The following MYO18A variants were observed in gnomAD, a reference collection of about 807,000 sequenced individuals.
The protein encoded by MYO18A is unconventional myosin-XVIIIa.
Under a neutral mutation model 235.8 loss-of-function variants are expected in MYO18A, and 78 were observed. The observed-to-expected ratio is 0.33, with a 90% CI of 0.28 to 0.40. The LOEUF (loss-of-function observed/expected upper bound fraction) is 0.40, where lower values mean the gene tolerates loss of function less well. Ranked by LOEUF, MYO18A falls within the 10% of genes least tolerant of loss-of-function variation. The pLI is 1.00. For synonymous variants in MYO18A, 977 were observed against 1,077.8 expected (o/e 0.91, Z 1.83); for missense variants, 2,215 against 2,699.3 (o/e 0.82, Z 3.98).
intron 2 of MYO18A, among the ~76,000 whole-genome samples, chr17:29,129,285 A>T (rs1447306447): frequency 6.6e-6 from 1 of 152,182 alleles, no homozygotes; most frequent in Non-Finnish European, 1.5e-5. Context: ...GCTTTCTGCC[A>T]GTCTCCTTGC....
At position 29,098,910 on chromosome 17, in the gene MYO18A, C is replaced by T; in HGVS notation, c.3696G>A (p.Lys1232=). 1 of 1,613,930 alleles carries T rather than the reference C, an allele frequency of 6.2e-7. No individual in the cohort carries two copies. Among genetic ancestry groups the T allele is most frequent in the Non-Finnish European group, 8.5e-7 (1 of 1,179,866 alleles). Reference sequence around the variant, plus strand: ...TAAAAAGCTTCCACCAGGGCCAGTCCTTCACCCCTTTGTTCTTCTTGATGT... The same window carrying T: ...TAAAAAGCTTCCACCAGGGCCAGTCTTTCACCCCTTTGTTCTTCTTGATGT... ...QKNIKKNKGV[K]DWPWWKLFTT... The change falls in exon 23 of 42, where the codon AAG becomes AAA. Residue 1232 remains lysine (K), a synonymous_variant. Coordinates refer to ENST00000527372, the MANE Select transcript of MYO18A (RefSeq NM_078471.4).
intron 2 of MYO18A, among the ~76,000 whole-genome samples, chr17:29,128,699 G>C (rs1385767910): frequency 1.3e-5 from 2 of 152,232 alleles, no homozygotes; most frequent in Non-Finnish European, 2.9e-5. Flanking sequence ...ACCCCAGGAA[G>C]CCCACTTTCC....
intron 2 of MYO18A, chr17:29,127,841 C>T (rs1056682930): frequency 8.1e-6 from 8 of 986,324 alleles, no homozygotes; most frequent in Middle Eastern, 1.0e-3. Flanking sequence ...GTTAGTGACA[C>T]ACTCTTGTAC....
intron 1 of MYO18A, among the ~76,000 whole-genome samples, chr17:29,167,718 T>C (rs2068314043): frequency 6.6e-6 from 1 of 151,094 alleles, no homozygotes; most frequent in African/African-American, 2.4e-5. Context: ...AAAAAAAGAT[T>C]CAAACTCAAA....
At chr17:29,107,374 G>T (rs908638498) in intron 19 of MYO18A, 185 bp from the exon 20 acceptor site, 26 of 608,268 alleles carry the variant, frequency 4.3e-5, no homozygotes, top group Non-Finnish European at 7.3e-5. Flanking sequence ...GGAAGAGAAG[G>T]TCAGGAGGAC....
chr17:29,148,835 C>T (rs923405215), intron 2 of MYO18A, among the ~76,000 whole-genome samples: 1 of 152,304 alleles, frequency 6.6e-6, no homozygotes, highest in Admixed American at 6.5e-5. Context: ...ATGCCCAGGG[C>T]CACCCCAGCC....
At chr17:29,171,402 T>C (rs1009162455) in intron 1 of MYO18A, among the ~76,000 whole-genome samples, 2 of 151,908 alleles carry the variant, frequency 1.3e-5, no homozygotes, top group African/African-American at 2.4e-5. Flanking sequence ...ATTGCGCCAC[T>C]GCACTCTAGC....
intron 41 of MYO18A, chr17:29,079,630 C>T (rs1305076253): frequency 2.0e-5 from 17 of 835,992 alleles, no homozygotes; most frequent in African/African-American, 3.7e-5. Flanking sequence ...GAGAGGAGTG[C>T]GGGTGGGCCC....
chr17:29,100,805 C>G (rs1464724106), intron 21 of MYO18A, among the ~76,000 whole-genome samples: 1 of 152,216 alleles, frequency 6.6e-6, no homozygotes, highest in East Asian at 1.9e-4. Context: ...CCCAAGGCCC[C>G]CTTCAGCAAA....
chr17:29,095,817 G>A (rs2152772030), intron 28 of MYO18A, among the ~76,000 whole-genome samples: 2 of 152,370 alleles, frequency 1.3e-5, no homozygotes, highest in East Asian at 3.9e-4. Context: ...CCGGGCAGCT[G>A]AAACCTAATA....
chr17:29,119,554 T>A (rs2067149203), intron 7 of MYO18A, 119 bp from the exon 8 acceptor site: 3 of 37,712 alleles, frequency 8.0e-5, no homozygotes, highest in Non-Finnish European at 1.4e-4. Context: ...AGCAGCTGCA[T>A]TTTTTTTTTT....
chr17:29,090,726 C>T, intron 35 of MYO18A, 84 bp downstream of exon 35: 1 of 1,536,198 alleles, frequency 6.5e-7, no homozygotes, highest in Non-Finnish European at 9.0e-7. Flanking sequence ...CCTCCCAAAA[C>T]AAGCGGTTGT....
At chr17:29,129,944 A>G (rs547693536) in intron 2 of MYO18A, among the ~76,000 whole-genome samples, 1 of 152,236 alleles carries the variant, frequency 6.6e-6, no homozygotes, top group Non-Finnish European at 1.5e-5. Context: ...TAGCCACTGG[A>G]TCCTACACTC....
In MYO18A at chr17:29,092,471, C is replaced by A. The variant is rs368487837; in HGVS notation, c.5074-15G>T. The A allele has an allele frequency of 3.9e-5, 63 of 1,598,732 alleles. No homozygotes were observed. The African/African-American group carries it at 7.5e-4, about 19-fold the overall frequency. On this transcript the variant is annotated splice_polypyrimidine_tract_variant and intron_variant, in intron 33 of 41. Transcript: ENST00000527372. ...GACTCCTCCAGCTGGACACAGACCA[C>A]CCCCGCCCCAGGGAGAGATGTCAGC...
At chr17:29,093,575 C>T (rs1039965143) in intron 31 of MYO18A, 148 bp from the exon 32 acceptor site, 2 of 670,190 alleles carry the variant, frequency 3.0e-6, no homozygotes, top group Non-Finnish European at 2.6e-6. Context: ...ACCTAAATTC[C>T]AGGTTTCTAG....
At chr17:29,171,241 A>C (rs2068396083) in intron 1 of MYO18A, among the ~76,000 whole-genome samples, 1 of 152,030 alleles carries the variant, frequency 6.6e-6, no homozygotes, top group Non-Finnish European at 1.5e-5. Context: ...TGAGGCCAAG[A>C]GATCGAGACC....
In MYO18A at chr17:29,117,306, G is replaced by C. The variant is rs1489701425; in HGVS notation, c.2038+739C>G. 6.6e-6 allele frequency among the ~76,000 whole-genome samples: 1 copy of C among 152,206 alleles called. No individual in the cohort carries two copies. The highest frequency in any genetic ancestry group is 1.5e-5 in the Non-Finnish European group (1 of 68,032). The stretch of plus-strand genomic sequence containing the variant: ...AAGCTGCAGCCCATTCGTTACCACG[G>C]TGCCTGCTGCCCCCTAGTGGCCGCC... On this transcript the variant is annotated intron_variant, in intron 10 of 41. Transcript: ENST00000527372. This position sits in a 1 kb window ranked among gnomAD's most constrained non-coding sequence, Gnocchi z 4.6.
At chr17:29,108,051 CTTCACCTT>C (rs1444844286) in intron 19 of MYO18A, among the ~76,000 whole-genome samples, 1 of 151,910 alleles carries the variant, frequency 6.6e-6, no homozygotes, top group Non-Finnish European at 1.5e-5. Flanking sequence ...GCCTCAGTTT[CTTCACCTT>C]TAAACAGCGG....
intron 40 of MYO18A, among the ~76,000 whole-genome samples, chr17:29,083,674 G>A (rs1483354664): frequency 2.0e-5 from 3 of 152,152 alleles, no homozygotes; most frequent in Non-Finnish European, 4.4e-5. Flanking sequence ...AGACGAGGCT[G>A]GCTGATGCCC....
Sources: gnomAD v4.1 joint callset for allele counts (sites outside exome capture counted in the v4.1 genomes callset) on GRCh38, gnomAD v4.1.1 for gene constraint, Gnocchi (gnomAD v3.1) non-coding constraint, MANE v1.5 for transcripts, NCBI Gene and HGNC (gene_info 2026-07-23, HGNC 2026-07-21) for gene names.